UGGT2: variants seen among roughly 807,000 people sequenced by gnomAD.
UGGT2 encodes UDP-glucose glycoprotein glucosyltransferase 2.
Under a neutral mutation model 192.1 loss-of-function variants are expected in UGGT2, and 180 were observed. That is an observed-to-expected ratio of 0.94 (90% CI 0.83 to 1.06). The LOEUF (loss-of-function observed/expected upper bound fraction) is 1.06, where lower values mean the gene tolerates loss of function less well. UGGT2 is among the 50% of genes least tolerant of loss of function. The pLI is 0.00. For missense variants in UGGT2, 1,849 were observed against 1,795.7 expected (o/e 1.03, Z -0.54); for synonymous variants, 580 against 591.0 (o/e 0.98, Z 0.27).
intron 12 of UGGT2, 145 bp downstream of exon 12, chr13:95,969,967 G>T: frequency 2.8e-6 from 2 of 716,064 alleles, no homozygotes; most frequent in Non-Finnish European, 2.2e-6. Flanking sequence ...TGGGAGAGGA[G>T]ATGGGTCTAT....
chr13:95,854,788 C>G (rs1159393302), intron 34 of UGGT2, among the ~76,000 whole-genome samples: 2 of 151,960 alleles, frequency 1.3e-5, no homozygotes, highest in Non-Finnish European at 2.9e-5. Flanking sequence ...TTAAATATTA[C>G]GTAAGTGCAG....
At chr13:95,867,298 T>C in intron 30 of UGGT2, 41 bp downstream of exon 30, 1 of 1,446,126 alleles carries the variant, frequency 6.9e-7, no homozygotes, top group African/African-American at 1.4e-5. Context: ...TAATTCTTAA[T>C]ATTAAGAACA....
At chr13:96,007,902 C>A (rs1332263082) in intron 5 of UGGT2, among the ~76,000 whole-genome samples, 1 of 152,158 alleles carries the variant, frequency 6.6e-6, no homozygotes, top group African/African-American at 2.4e-5. Context: ...TTGGAACCAA[C>A]TCATCTTCGA....
intron 26 of UGGT2, 88 bp from the exon 27 acceptor site, chr13:95,884,768 T>A: frequency 7.6e-7 from 1 of 1,308,278 alleles, no homozygotes; most frequent in East Asian, 2.5e-5. Context: ...TGCTTAATGA[T>A]CTGACCAGAA....
At chr13:95,969,471 T>C (rs932737963) in intron 12 of UGGT2, among the ~76,000 whole-genome samples, 1 of 152,092 alleles carries the variant, frequency 6.6e-6, no homozygotes, top group South Asian at 2.1e-4. Flanking sequence ...TTAAGGAAAG[T>C]TTCTCTCAGA....
At position 95,970,134 on chromosome 13, in the gene UGGT2, T is replaced by C. The variant is rs1355804206; in HGVS notation, c.1313A>G (p.Asp438Gly). ...SHIWEYTYVL[D>G]IRHSSIMWIN... ...TACCATTATAGAAGAATGTCGAATA[T>C]CTAATACATAAGTATATTCCCAAAT... The change falls in exon 12 of 39, where the codon GAT (aspartate) becomes GGT (glycine). Residue 438 changes from aspartate to glycine, a missense_variant. By Grantham distance (94) the Asp-to-Gly change is moderately conservative. Coordinates refer to ENST00000376747, the MANE Select transcript of UGGT2 (RefSeq NM_020121.4). The C allele has an allele frequency of 1.2e-6, 2 of 1,609,194 alleles. No homozygotes were observed. The highest frequency in any genetic ancestry group is 2.2e-5 in the South Asian group (2 of 90,820).
intron 38 of UGGT2, among the ~76,000 whole-genome samples, chr13:95,821,846 T>C (rs533462532): frequency 5.3e-5 from 8 of 152,192 alleles, no homozygotes; most frequent in African/African-American, 1.9e-4. Context: ...TGTTTTTTAA[T>C]GCTTTGTCAA....
At chr13:96,018,722 C>A (rs2052415740) in intron 4 of UGGT2, among the ~76,000 whole-genome samples, 1 of 144,588 alleles carries the variant, frequency 6.9e-6, no homozygotes, top group African/African-American at 2.6e-5. Context: ...CATTGATGAC[C>A]TAAATATGTT....
chr13:95,904,804 T>C (rs1376474905), intron 20 of UGGT2, among the ~76,000 whole-genome samples: 1 of 152,020 alleles, frequency 6.6e-6, no homozygotes, highest in Non-Finnish European at 1.5e-5. Flanking sequence ...CCTTTGGGTA[T>C]ATACCCAGTA....
chr13:95,913,480 A>G (rs1439039845), intron 20 of UGGT2, among the ~76,000 whole-genome samples: 4 of 152,244 alleles, frequency 2.6e-5, no homozygotes, highest in African/African-American at 9.6e-5. Context: ...CAACAGACAC[A>G]TGGAAAAATG....
At chr13:95,809,366 G>T in intron 38 of UGGT2, 1 of 414,674 alleles carries the variant, frequency 2.4e-6, no homozygotes. Flanking sequence ...CACGGTTTTT[G>T]TTTCTCCATT....
Position 95,949,355 on chromosome 13 carries a change from T to G in UGGT2, c.1435A>C (p.Arg479=), listed in dbSNP as rs778303692. The G allele has an allele frequency of 1.3e-4, 201 of 1,566,290 alleles. No individual in the cohort carries two copies. The highest frequency in any genetic ancestry group is 1.7e-4 in the Non-Finnish European group (194 of 1,155,576). Residue 479 remains arginine, a synonymous_variant, in exon 13 of 39, where the codon AGG becomes CGG. Coordinates refer to ENST00000376747, the MANE Select transcript of UGGT2 (RefSeq NM_020121.4). ...PVFPGSVPSI[R]RNFHNLVLFI... ...CTCACCAAATTATGAAAATTGCGCC[T>G]TATGGAAGGTACACTTCCAGGAAAT... is the stretch of plus-strand genomic sequence containing the variant.
At chr13:95,950,672 A>T (rs920547901) in intron 12 of UGGT2, among the ~76,000 whole-genome samples, 12 of 151,356 alleles carry the variant, frequency 7.9e-5, no homozygotes, top group African/African-American at 1.4e-4. Context: ...TATATTTTTT[A>T]AAAAGTACAA....
rs904310495 is a variant in UGGT2 at position 96,003,803 on chromosome 13, G to C, written c.661-4496C>G. 3.1e-4 allele frequency among the ~76,000 whole-genome samples: 47 copies of C among 152,216 alleles called. 1 individual carries two copies. In the Middle Eastern group the frequency reaches 0.01, roughly 33 times the overall value. ...TGCATGAACAATACCAGCAGAAAAA[G>C]TGCCCCGACTGTCAACCCACAGAAT... On this transcript the variant is annotated intron_variant, in intron 5 of 38. Coordinates refer to ENST00000376747, the MANE Select transcript of UGGT2 (RefSeq NM_020121.4).
chr13:95,911,336 A>G (rs1467939650), intron 20 of UGGT2, among the ~76,000 whole-genome samples: 1 of 152,256 alleles, frequency 6.6e-6, no homozygotes, highest in African/African-American at 2.4e-5. Flanking sequence ...ATAGACTGCT[A>G]GCAAGACTAA....
At chr13:95,972,511 A>G in intron 11 of UGGT2, 69 bp downstream of exon 11, 2 of 1,301,360 alleles carry the variant, frequency 1.5e-6, no homozygotes, top group Non-Finnish European at 2.1e-6. Context: ...TTTGACTTAC[A>G]CTAAATTCAA....
intron 20 of UGGT2, among the ~76,000 whole-genome samples, chr13:95,909,816 A>AAAC (rs1287380829): frequency 2.0e-5 from 3 of 148,796 alleles, no homozygotes; most frequent in East Asian, 1.9e-4. Flanking sequence ...AAAAAAAAAA[A>AAAC]AAAACTGTTA....
At chr13:95,873,254 C>T (rs1031669532) in intron 29 of UGGT2, among the ~76,000 whole-genome samples, 2 of 152,218 alleles carry the variant, frequency 1.3e-5, no homozygotes, top group African/African-American at 4.8e-5. Flanking sequence ...ATAAATGTTA[C>T]AGCCTATTTT....
intron 33 of UGGT2, among the ~76,000 whole-genome samples, chr13:95,856,994 G>A (rs1303105163): frequency 6.6e-6 from 1 of 151,954 alleles, no homozygotes; most frequent in Non-Finnish European, 1.5e-5. Context: ...CAAATACTGA[G>A]AGAGAAAATG....
Sources: gnomAD v4.1 joint callset for allele counts (sites outside exome capture counted in the v4.1 genomes callset) on GRCh38, gnomAD v4.1.1 for gene constraint, MANE v1.5 for transcripts, NCBI Gene and HGNC (gene_info 2026-07-23, HGNC 2026-07-21) for gene names.